The following LANCL1 variants were observed in gnomAD, a reference collection of about 807,000 sequenced individuals.
LANCL1 encodes LanC like glutathione S-transferase 1.
LANCL1 carries 50 observed loss-of-function variants against 50.6 expected under a neutral mutation model. The ratio of observed to expected loss-of-function variants is 0.99; its 90% CI spans 0.79 to 1.25. The LOEUF is 1.25. Among genes scored for constraint, LANCL1 ranks in the 50% most tolerant of loss-of-function variants. LANCL1 has a pLI of 0.00. For synonymous variants in LANCL1, 188 were observed against 178.6 expected, an observed-to-expected ratio of 1.05 and a Z score of -0.42; for missense variants, 532 against 480.7, an observed-to-expected ratio of 1.11 and a Z score of -1.00.
chr2:210,467,248 TAC>T (rs1160313916), intron 3 of LANCL1, among the ~76,000 whole-genome samples: 1 of 152,208 alleles, frequency 6.6e-6, no homozygotes, highest in Non-Finnish European at 1.5e-5. Flanking sequence ...ATTGCCAACG[TAC>T]AGATATTTTT....
Position 210,462,210 on chromosome 2 carries a change from G to T in LANCL1, c.200-6896C>A, listed in dbSNP as rs190518507. On this transcript the variant is annotated intron_variant, in intron 3 of 9. Coordinates refer to ENST00000450366, the MANE Select transcript of LANCL1 (RefSeq NM_006055.3). Reference sequence around the variant, plus strand: ...TTGATCTTAAGGGGCCTCCAGGCTTGCTATTTTTCTGTACTGTCTGCTGCT... The same window carrying T: ...TTGATCTTAAGGGGCCTCCAGGCTTTCTATTTTTCTGTACTGTCTGCTGCT... Among the ~76,000 whole-genome samples the T allele has an allele frequency of 2.6e-4, 39 of 152,220 alleles. No homozygotes were observed. In the East Asian group the frequency reaches 7.5e-3, roughly 29 times the overall value.
At chr2:210,449,048 A>G (rs1179664479) in intron 4 of LANCL1, among the ~76,000 whole-genome samples, 2 of 152,184 alleles carry the variant, frequency 1.3e-5, no homozygotes, top group East Asian at 1.9e-4. Context: ...GACACAACAA[A>G]AAAAAGAAAA....
intron 3 of LANCL1, among the ~76,000 whole-genome samples, chr2:210,462,101 A>C (rs1225312453): frequency 6.6e-6 from 1 of 152,192 alleles, no homozygotes; most frequent in Non-Finnish European, 1.5e-5. Flanking sequence ...GACCAGCTCC[A>C]TGGCAGGTAG....
chr2:210,477,414 T>G (rs3755182), upstream of LANCL1: 370,101 of 757,554 alleles, frequency 0.49, 93,373 homozygotes, highest in East Asian at 0.58. Context: ...CCCTGCTATC[T>G]GAAACATTTT....
In LANCL1 at chr2:210,476,616, C is replaced by T. The variant is rs1694388321; in HGVS notation, c.-17+4G>A. 24 of 1,335,734 alleles carry T rather than the reference C, an allele frequency of 1.8e-5. No homozygotes were observed. The highest frequency in any genetic ancestry group is 2.3e-5 in the Non-Finnish European group (24 of 1,043,348). 82.7% of individuals were successfully genotyped at this position (1,335,734 alleles called of 1,614,324 possible). ...CGAAAAAGCTGCCAGGGCCCTTAAC[C>T]CACCCGGACAAAGAGGCCCCGTTTT... On this transcript the variant is annotated splice_donor_region_variant and intron_variant, in intron 1 of 9. Coordinates refer to ENST00000450366, the MANE Select transcript of LANCL1 (RefSeq NM_006055.3).
At chr2:210,435,703 CTTTATT>C (rs962204971) in intron 8 of LANCL1, among the ~76,000 whole-genome samples, 17 of 152,042 alleles carry the variant, frequency 1.1e-4, no homozygotes, top group African/African-American at 4.1e-4. Flanking sequence ...CACCCTACAT[CTTTATT>C]TTTTTCTCCC....
chr2:210,449,408 C>T (rs1574424167), intron 4 of LANCL1, among the ~76,000 whole-genome samples: 1 of 152,128 alleles, frequency 6.6e-6, no homozygotes, highest in African/African-American at 2.4e-5. Context: ...ACTGAATGGG[C>T]AAAAACTAGA....
intron 3 of LANCL1, chr2:210,468,558 A>G (rs1694137656): frequency 6.6e-6 from 1 of 152,258 alleles, no homozygotes; most frequent in African/African-American, 2.4e-5. Flanking sequence ...AAGAGTGACT[A>G]CGTGACTATG....
Position 210,455,116 on chromosome 2 carries a change from C to A in LANCL1, c.398G>T (p.Cys133Phe). 2 of 1,612,682 alleles carry A rather than the reference C, an allele frequency of 1.2e-6. No individual in the cohort carries two copies. The highest frequency in any genetic ancestry group is 1.7e-6 in the Non-Finnish European group (2 of 1,178,920). ...KMNNEKQAEDCITRLIHLNKI... is the reference protein window; with the variant it reads ...KMNNEKQAEDFITRLIHLNKI... ...ATAGAAACATGATTACCGTGTGATG[C>A]AATCTTCTGCCTGCTTCTCATTGTT... The change falls in exon 4 of 10, where the codon TGC becomes TTC. Residue 133 changes from cysteine (C) to phenylalanine (F), a missense_variant. By Grantham distance (205) the Cys-to-Phe change is radical. Transcript: ENST00000450366.
chr2:210,471,430 A>C, intron 3 of LANCL1: 1 of 364,928 alleles, frequency 2.7e-6, no homozygotes, highest in Non-Finnish European at 5.4e-6. Flanking sequence ...TCAATGATTG[A>C]GATTGGCAAT....
intron 8 of LANCL1, among the ~76,000 whole-genome samples, chr2:210,435,715 C>T (rs1692905305): frequency 6.6e-6 from 1 of 151,982 alleles, no homozygotes; most frequent in South Asian, 2.1e-4. Flanking sequence ...TTATTTTTTT[C>T]TCCCATTAAT....
chr2:210,472,897 G>A (rs146453998), intron 2 of LANCL1, among the ~76,000 whole-genome samples: 138 of 152,294 alleles, frequency 9.1e-4, no homozygotes, highest in Middle Eastern at 3.4e-3. Context: ...AGGGTCTAAG[G>A]CAAGTAATAG....
intron 7 of LANCL1, among the ~76,000 whole-genome samples, chr2:210,437,034 C>T (rs771167874): frequency 5.3e-5 from 8 of 152,046 alleles, no homozygotes; most frequent in Admixed American, 2.0e-4. Context: ...CAGCGCCCAG[C>T]GATAGTCTGC....
intron 2 of LANCL1, among the ~76,000 whole-genome samples, chr2:210,474,833 C>T (rs2105931439): frequency 6.6e-6 from 1 of 152,254 alleles, no homozygotes; most frequent in South Asian, 2.1e-4. Flanking sequence ...AGGTTTCTGT[C>T]ACTAGGACAA....
chr2:210,475,344 T>G (rs1473844819), intron 2 of LANCL1, among the ~76,000 whole-genome samples: 1 of 152,216 alleles, frequency 6.6e-6, no homozygotes, highest in East Asian at 1.9e-4. Context: ...TTTATTTTTT[T>G]ATTTTTTAGA....
chr2:210,451,142 T>C (rs1574425663), intron 4 of LANCL1, among the ~76,000 whole-genome samples: 1 of 152,212 alleles, frequency 6.6e-6, no homozygotes, highest in African/African-American at 2.4e-5. Flanking sequence ...TGGAATACTA[T>C]GCAGCCATAA....
chr2:210,458,938 A>G (rs1693752804), intron 3 of LANCL1, among the ~76,000 whole-genome samples: 1 of 152,180 alleles, frequency 6.6e-6, no homozygotes, highest in Non-Finnish European at 1.5e-5. Context: ...ATCAAAGAAT[A>G]TGCATCTACT....
At chr2:210,455,345 A>G in intron 3 of LANCL1, 31 bp from the exon 4 acceptor site, 2 of 1,555,848 alleles carry the variant, frequency 1.3e-6, no homozygotes, top group Non-Finnish European at 8.8e-7. Context: ...CAATGTAAAG[A>G]TGAGGAAAGG....
intron 3 of LANCL1, 45 bp downstream of exon 3, chr2:210,471,913 CT>C: frequency 7.5e-7 from 1 of 1,333,104 alleles, no homozygotes; most frequent in Non-Finnish European, 1.1e-6. Flanking sequence ...AATGCTCTGG[CT>C]CTTAAGCACA....
Sources: allele counts gnomAD v4.1 joint callset (sites outside exome capture counted in the v4.1 genomes callset), GRCh38; gene constraint gnomAD v4.1.1; transcripts MANE v1.5; gene names NCBI Gene and HGNC (gene_info 2026-07-23, HGNC 2026-07-21).